The following UNC5D variants were observed in gnomAD, a reference collection of about 807,000 sequenced individuals.
UNC5D encodes the protein unc-5 netrin receptor D.
In UNC5D, 39 loss-of-function variants were observed where a neutral mutation model predicts 105.4. That is an observed-to-expected ratio of 0.37 (90% CI 0.29 to 0.48). The LOEUF is 0.48. Ranked by LOEUF, UNC5D falls within the 20% of genes least tolerant of loss-of-function variation. The pLI is 0.98. For synonymous variants in UNC5D, 452 were observed against 450.4 expected, an observed-to-expected ratio of 1.00 and a Z score of -0.04; for missense variants, 991 against 1,202.4, an observed-to-expected ratio of 0.82 and a Z score of 2.60.
In UNC5D at chr8:35,358,622, C is replaced by A. The variant is rs959990571; in HGVS notation, c.103+122735C>A. 2.0e-5 allele frequency among the ~76,000 whole-genome samples: 3 copies of A among 152,122 alleles called. 1 individual carries two copies. The South Asian group carries it at 6.2e-4, about 31-fold the overall frequency. ...TTACCTATTTAACAAATCTACATAT[C>A]CTGCACATGTACCCTAGAACTTAAA... On this transcript the variant is annotated intron_variant, in intron 1 of 16. Transcript: ENST00000404895.
At chr8:35,236,061 A>G (rs1410839231) in intron 1 of UNC5D, among the ~76,000 whole-genome samples, 174 bp downstream of exon 1, 2 of 151,986 alleles carry the variant, frequency 1.3e-5, no homozygotes, top group Non-Finnish European at 2.9e-5. Flanking sequence ...CAGCCTTCCA[A>G]CCCAAGTTTG....
At chr8:35,761,838 G>A (rs1801547994) in intron 14 of UNC5D, among the ~76,000 whole-genome samples, 1 of 152,140 alleles carries the variant, frequency 6.6e-6, no homozygotes, top group Admixed American at 6.5e-5. Flanking sequence ...GGCATTAGAT[G>A]TAAGCACTTA....
intron 2 of UNC5D, among the ~76,000 whole-genome samples, chr8:35,553,985 CT>C (rs1816352670): frequency 6.6e-6 from 1 of 152,146 alleles, no homozygotes; most frequent in Non-Finnish European, 1.5e-5. Flanking sequence ...AAAGTAACTC[CT>C]TATGTCTCTT....
chr8:35,642,237 T>C (rs377498664), intron 4 of UNC5D, among the ~76,000 whole-genome samples: 10 of 152,298 alleles, frequency 6.6e-5, no homozygotes, highest in African/African-American at 2.4e-4. Flanking sequence ...CACCTCATTT[T>C]ATAGCTGTGA....
chr8:35,724,257 A>G, intron 9 of UNC5D: 1 of 1,533,412 alleles, frequency 6.5e-7, no homozygotes, highest in South Asian at 1.2e-5. Flanking sequence ...TTAGCCAAGA[A>G]TATCATGGAA....
chr8:35,432,802 C>A (rs1039350354), intron 1 of UNC5D, among the ~76,000 whole-genome samples: 1 of 152,196 alleles, frequency 6.6e-6, no homozygotes, highest in Non-Finnish European at 1.5e-5. Flanking sequence ...AAATAGTTGA[C>A]TGTCCTGCCG....
chr8:35,674,828 C>T (rs901493876), intron 4 of UNC5D, among the ~76,000 whole-genome samples: 2 of 152,140 alleles, frequency 1.3e-5, no homozygotes, highest in African/African-American at 4.8e-5. Context: ...TCCTTCTCCC[C>T]GTTTTCTCAC....
chr8:35,374,577 C>T (rs1379245237), intron 1 of UNC5D, among the ~76,000 whole-genome samples: 3 of 152,302 alleles, frequency 2.0e-5, no homozygotes, highest in East Asian at 1.9e-4. Context: ...CTCACATCCA[C>T]GTTCACATCT....
intron 16 of UNC5D, among the ~76,000 whole-genome samples, chr8:35,778,951 G>A (rs1802380257): frequency 6.6e-6 from 1 of 152,210 alleles, no homozygotes; most frequent in Admixed American, 6.5e-5. Flanking sequence ...CTGTACGGCT[G>A]GCAACACAGG....
rs200599461 is a variant in UNC5D, at chr8:35,282,710, C to CAAAAAAAAAAAAAAAAAAAAA, written c.103+46836_103+46837insAAAAAAAAAAAAAAAAAAAAA. On this transcript the variant is annotated intron_variant, in intron 1 of 16. Transcript: ENST00000404895. ...GCTTAACTAACAAGTTATTAAAAGACAAAAAAAAAAAAAGCAACCCAAAGC... is the reference window on the plus strand; with the variant it reads ...GCTTAACTAACAAGTTATTAAAAGACAAAAAAAAAAAAAAAAAAAAAAAAAAAAAAAAAAGCAACCCAAAGC... Among the ~76,000 whole-genome samples, 2 of 135,948 alleles carry CAAAAAAAAAAAAAAAAAAAAA rather than the reference C, an allele frequency of 1.5e-5. 1 individual carries two copies. The highest frequency in any genetic ancestry group is 3.1e-5 in the Non-Finnish European group (2 of 64,148). The allele number at this position is 135,948 out of a possible 152,430, so 89.2% of individuals were successfully genotyped here. A position where few individuals can be genotyped will look rare whatever the true frequency, so the allele number is the denominator to read the frequency against.
chr8:35,597,916 G>A (rs1230534655), intron 4 of UNC5D, among the ~76,000 whole-genome samples: 1 of 152,056 alleles, frequency 6.6e-6, no homozygotes, highest in African/African-American at 2.4e-5. Flanking sequence ...ATCTGGCCTG[G>A]TGTGACCTTA....
intron 1 of UNC5D, among the ~76,000 whole-genome samples, chr8:35,327,339 A>C (rs181273812): frequency 1.1e-4 from 16 of 152,238 alleles, no homozygotes; most frequent in Admixed American, 3.3e-4. Context: ...TCTGGAATGC[A>C]TTTTCTGCAT....
chr8:35,726,583 T>C, intron 10 of UNC5D, 54 bp downstream of exon 10: 1 of 1,577,416 alleles, frequency 6.3e-7, no homozygotes, highest in South Asian at 1.2e-5. Flanking sequence ...GTTTCATTTT[T>C]ACACAGTTAC....
intron 2 of UNC5D, among the ~76,000 whole-genome samples, chr8:35,562,782 C>T (rs145181674): frequency 2.5e-3 from 377 of 151,928 alleles, no homozygotes; most frequent in Middle Eastern, 0.01. Flanking sequence ...TAGTTATTTC[C>T]TTTGCTGTTC....
intron 1 of UNC5D, among the ~76,000 whole-genome samples, chr8:35,432,684 C>T (rs554594306): frequency 7.2e-5 from 11 of 152,164 alleles, no homozygotes. Context: ...ACGGGTCCCT[C>T]ATCAGTTAAA....
At chr8:35,696,942 G>C (rs1404293279) in intron 7 of UNC5D, among the ~76,000 whole-genome samples, 1 of 152,012 alleles carries the variant, frequency 6.6e-6, no homozygotes, top group African/African-American at 2.4e-5. Flanking sequence ...GTAGTAAAAA[G>C]AGCTCTAAAC....
chr8:35,541,817 T>G (rs1316485554), intron 1 of UNC5D, among the ~76,000 whole-genome samples: 2 of 152,172 alleles, frequency 1.3e-5, no homozygotes, highest in African/African-American at 4.8e-5. Flanking sequence ...TAGAACATTG[T>G]CTAATCTTAG....
At chr8:35,525,342 AC>A (rs1813788833) in intron 1 of UNC5D, 1 of 1,612,048 alleles carries the variant, frequency 6.2e-7, no homozygotes, top group South Asian at 1.1e-5. Flanking sequence ...GGGTGTAATA[AC>A]AACTTCTTCC....
intron 1 of UNC5D, among the ~76,000 whole-genome samples, chr8:35,509,170 A>G (rs1368581369): frequency 6.6e-6 from 1 of 152,088 alleles, no homozygotes. Flanking sequence ...GTCTGTACTC[A>G]GAAATTGTGT....
Sources: allele counts gnomAD v4.1 joint callset (sites outside exome capture counted in the v4.1 genomes callset), GRCh38; gene constraint gnomAD v4.1.1; transcripts MANE v1.5; gene names NCBI Gene and HGNC (gene_info 2026-07-23, HGNC 2026-07-21).